FBH1: variants seen among roughly 807,000 people sequenced by gnomAD.
FBH1 encodes F-box DNA helicase 1.
FBH1 carries 43 observed loss-of-function variants against 115.5 expected under a neutral mutation model. The observed-to-expected ratio is 0.37, with a 90% CI of 0.29 to 0.48. FBH1 has a LOEUF of 0.48. FBH1 is among the 20% of genes least tolerant of loss of function. The probability of loss-of-function intolerance (pLI) is 0.99; values close to 1 mark genes in which losing one functional copy is unlikely to be tolerated. For synonymous variants in FBH1, 524 were observed against 507.8 expected, an observed-to-expected ratio of 1.03 and a Z score of -0.43; for missense variants, 1,001 against 1,337.3, an observed-to-expected ratio of 0.75 and a Z score of 3.92.
rs761726805 is a variant in FBH1 at position 5,914,128 on chromosome 10, A to G, written c.1305-50A>G. 1.0e-5 allele frequency: 16 copies of G among 1,570,892 alleles called. 1 individual carries two copies. The South Asian group carries it at 1.7e-4, about 16-fold the overall frequency. ...GGTTTTTGGACTGTCTATCCCCTGG[A>G]CTTTTCACGTCTTTCTGTTTTTCTT... On this transcript the variant is annotated intron_variant, in intron 7 of 20. Coordinates refer to ENST00000362091, the MANE Select transcript of FBH1 (RefSeq NM_178150.3). The surrounding 1 kb of genome is among the most constrained non-coding windows in gnomAD (Gnocchi z 5.2).
At position 5,909,077 on chromosome 10, in the gene FBH1, A is replaced by G; in HGVS notation, c.884+22A>G. ...TACGGTGAGCTTTGCCTGTGCTGTA[A>G]AGAAGGCGTCTTTGAAGTCTTCCTT... On this transcript the variant is annotated intron_variant, in intron 4 of 20. Coordinates refer to ENST00000362091, the MANE Select transcript of FBH1 (RefSeq NM_178150.3). This position sits in a 1 kb window ranked among gnomAD's most constrained non-coding sequence, Gnocchi z 4.4. The G allele has an allele frequency of 6.2e-7, 1 of 1,614,002 alleles. No homozygotes were observed. Among genetic ancestry groups the G allele is most frequent in the Non-Finnish European group, 8.5e-7 (1 of 1,179,998 alleles).
chr10:5,907,402 T>A (rs1348801852), intron 3 of FBH1, among the ~76,000 whole-genome samples: 1 of 152,152 alleles, frequency 6.6e-6, no homozygotes, highest in Non-Finnish European at 1.5e-5. Flanking sequence ...TCAAGATATT[T>A]TCTACTTTTC....
In FBH1 at chr10:5,918,077, A is replaced by G. The variant is rs1832083616; in HGVS notation, c.1964-265A>G. On this transcript the variant is annotated intron_variant, in intron 12 of 20. Transcript: ENST00000362091. This position sits in a 1 kb window ranked among gnomAD's most constrained non-coding sequence, Gnocchi z 4.0. ...ATAATATTAGAGAAGACACTGCCTC[A>G]TTTTAGATTTGCCTGTGTTGTTTTC... Among the ~76,000 whole-genome samples, 1 of 152,196 alleles carries G rather than the reference A, an allele frequency of 6.6e-6. No individual in the cohort carries two copies. The highest frequency in any genetic ancestry group is 1.5e-5 in the Non-Finnish European group (1 of 68,036).
chr10:5,909,139 C>CT lies in FBH1; in HGVS notation c.885-19dup, dbSNP rs748372936. 1.2e-6 allele frequency: 2 copies of CT among 1,613,554 alleles called. No individual in the cohort carries two copies. The highest frequency in any genetic ancestry group is 1.7e-5 in the Admixed American group (1 of 60,024). On this transcript the variant is annotated intron_variant, in intron 4 of 20. Coordinates refer to ENST00000362091, the MANE Select transcript of FBH1 (RefSeq NM_178150.3). The surrounding 1 kb of genome is among the most constrained non-coding windows in gnomAD (Gnocchi z 4.4). ...CTTATGGTCACCCTACTCATGGCCTCTCCTGTGAATGTCTTACAGATACAC... is the reference window on the plus strand; with the variant it reads ...CTTATGGTCACCCTACTCATGGCCTCTTCCTGTGAATGTCTTACAGATACAC...
chr10:5,927,610 A>C, intron 19 of FBH1, 69 bp downstream of exon 19: 1 of 1,272,782 alleles, frequency 7.9e-7, no homozygotes, highest in Non-Finnish European at 1.1e-6. Flanking sequence ...TGAGGGGCTG[A>C]CCTGGAGCCT....
At chr10:5,901,358 A>G (rs1355190222) in intron 1 of FBH1, among the ~76,000 whole-genome samples, 4 of 151,846 alleles carry the variant, frequency 2.6e-5, no homozygotes, top group Non-Finnish European at 4.4e-5. Context: ...GGGTTTCACT[A>G]TGTTGGCCAG....
chr10:5,913,730 A>C lies in FBH1; in HGVS notation c.1212-17A>C. ...CTTGAATTTGAGACTTTCTAAATCT[A>C]CTTTTTTTTCTGGTAGGATTCACTA... On this transcript the variant is annotated splice_polypyrimidine_tract_variant and intron_variant, in intron 6 of 20. Transcript: ENST00000362091. The surrounding 1 kb of genome is among the most constrained non-coding windows in gnomAD (Gnocchi z 4.4). 2 of 1,515,848 alleles carry C rather than the reference A, an allele frequency of 1.3e-6. No individual in the cohort carries two copies. Among genetic ancestry groups the C allele is most frequent in the Non-Finnish European group, 1.8e-6 (2 of 1,130,948 alleles). 93.9% of individuals were successfully genotyped at this position (1,515,848 alleles called of 1,614,324 possible).
At chr10:5,893,270 T>C (rs1165057645) in intron 1 of FBH1, among the ~76,000 whole-genome samples, 1 of 152,226 alleles carries the variant, frequency 6.6e-6, no homozygotes, top group Non-Finnish European at 1.5e-5. Context: ...TGTGCCATTG[T>C]ACCCCAGCCT....
rs1843059434 is a variant in FBH1 at position 5,897,208 on chromosome 10, T to C, written c.2-5812T>C. ...TGGGTGGCTTGAGTACTTACATATA[T>C]ATTGTCTCATTCTCTGAATTCAGCA... On this transcript the variant is annotated intron_variant, in intron 1 of 20. Coordinates refer to ENST00000362091, the MANE Select transcript of FBH1 (RefSeq NM_178150.3). The surrounding 1 kb of genome is among the most constrained non-coding windows in gnomAD (Gnocchi z 4.7). 6.6e-6 allele frequency among the ~76,000 whole-genome samples: 1 copy of C among 152,208 alleles called. No individual in the cohort carries two copies. The highest frequency in any genetic ancestry group is 1.5e-5 in the Non-Finnish European group (1 of 68,036).
intron 19 of FBH1, among the ~76,000 whole-genome samples, chr10:5,928,072 CAAA>C (rs1010342333): frequency 2.4e-4 from 6 of 24,770 alleles, no homozygotes; most frequent in African/African-American, 7.0e-4. Context: ...GACTCCATCT[CAAA>C]AAAAAAAAAA....
In FBH1 at chr10:5,937,166, C is replaced by A. The variant is rs1420006280; in HGVS notation, c.3018C>A (p.Arg1006=). The change falls in exon 21 of 21, where the codon CGC becomes CGA. Residue 1006 remains arginine (R), a synonymous_variant. Coordinates refer to ENST00000362091, the MANE Select transcript of FBH1 (RefSeq NM_178150.3). ...TCTGCCACTCCTGTGCGGAGCAGCGCATCGGGCCCCTGGCGTTCCTGACAG... is the reference window on the plus strand; with the variant it reads ...TCTGCCACTCCTGTGCGGAGCAGCGAATCGGGCCCCTGGCGTTCCTGACAG... ...GYLCHSCAEQ[R]IGPLAFLTAS... is the part of the protein sequence containing the mutation. 1 of 1,614,100 alleles carries A rather than the reference C, an allele frequency of 6.2e-7. No homozygotes were observed. The highest frequency in any genetic ancestry group is 8.5e-7 in the Non-Finnish European group (1 of 1,179,978).
chr10:5,894,434 G>T lies in FBH1; in HGVS notation c.1+4088G>T, dbSNP rs968612676. On this transcript the variant is annotated intron_variant, in intron 1 of 20. Transcript: ENST00000362091. ...AGAGTGAAGAATGTCACAGTAGGAAGTGCACTGGACTAGGGGAGTCAGGAG... is the reference window on the plus strand; with the variant it reads ...AGAGTGAAGAATGTCACAGTAGGAATTGCACTGGACTAGGGGAGTCAGGAG... The T allele has an allele frequency of 1.6e-5, 26 of 1,589,120 alleles. No homozygotes were observed. The Admixed American group carries it at 4.2e-4, about 25-fold the overall frequency.
rs113783275 is a variant in FBH1, at chr10:5,903,246, A to G, written c.157+71A>G. On this transcript the variant is annotated intron_variant, in intron 2 of 20. Transcript: ENST00000362091. ...GGGTCCTTTGACTATCTCCTAGTTT[A>G]AAAGTATTTGTAAATGTTGCTGCTG... The G allele has an allele frequency of 1.5e-4, 192 of 1,258,368 alleles. 1 individual carries two copies. The African/African-American group carries it at 2.6e-3, about 17-fold the overall frequency. 78.0% of individuals were successfully genotyped at this position (1,258,368 alleles called of 1,614,324 possible).
chr10:5,923,813 GTGT>G lies in FBH1; in HGVS notation c.2398+120_2398+122del. ...TTTCCCTCCAGAGAAGGGCGAGCTA[GTGT>G]TGCTGTCTTCCCATGACGAGGGGGG... On this transcript the variant is annotated intron_variant, in intron 16 of 20. Transcript: ENST00000362091. This position sits in a 1 kb window ranked among gnomAD's most constrained non-coding sequence, Gnocchi z 5.7. 23 of 926,516 alleles carry G rather than the reference GTGT, an allele frequency of 2.5e-5. No homozygotes were observed. In the South Asian group the frequency reaches 3.5e-4, roughly 14 times the overall value. The allele number at this position is 926,516 out of a possible 1,614,324, so 57.4% of individuals were successfully genotyped here. A position where few individuals can be genotyped will look rare whatever the true frequency, so the allele number is the denominator to read the frequency against.
At chr10:5,894,611 A>C in intron 1 of FBH1, 6 of 749,076 alleles carry the variant, frequency 8.0e-6, no homozygotes, top group South Asian at 5.7e-5. Context: ...GCTGTAAAGC[A>C]CTTAGGAGCT....
chr10:5,903,265 G>T, intron 2 of FBH1, 90 bp downstream of exon 2: 1 of 1,075,638 alleles, frequency 9.3e-7, no homozygotes, highest in South Asian at 2.3e-5. Context: ...TGTAAATGTT[G>T]CTGCTGTGAG....
chr10:5,892,587 C>T (rs1438381429), intron 1 of FBH1, among the ~76,000 whole-genome samples: 1 of 152,222 alleles, frequency 6.6e-6, no homozygotes, highest in African/African-American at 2.4e-5. Flanking sequence ...TCTCAGATTT[C>T]AGAGGACCTC....
At chr10:5,905,776 T>C (rs964799287) in intron 2 of FBH1, among the ~76,000 whole-genome samples, 1 of 152,212 alleles carries the variant, frequency 6.6e-6, no homozygotes, top group African/African-American at 2.4e-5. Flanking sequence ...TTGTTTTTAC[T>C]GCAGGGAGTA....
rs1589081069 is a variant in FBH1, at chr10:5,913,137, T to C, written c.1212-610T>C. On this transcript the variant is annotated intron_variant, in intron 6 of 20. Transcript: ENST00000362091. This position sits in a 1 kb window ranked among gnomAD's most constrained non-coding sequence, Gnocchi z 4.4. ...CAGCTGAGTCTGACGAGTCTGACGA[T>C]GTCCTGTGCCTCTGCTGATTGAACT... Among the ~76,000 whole-genome samples, 1 of 152,218 alleles carries C rather than the reference T, an allele frequency of 6.6e-6. No individual in the cohort carries two copies. The highest frequency in any genetic ancestry group is 1.9e-4 in the East Asian group (1 of 5,170).
Sources: gnomAD v4.1 joint callset for allele counts (sites outside exome capture counted in the v4.1 genomes callset) on GRCh38, gnomAD v4.1.1 for gene constraint, Gnocchi (gnomAD v3.1) non-coding constraint, MANE v1.5 for transcripts, NCBI Gene and HGNC (gene_info 2026-07-23, HGNC 2026-07-21) for gene names.